AUTS2: variants seen among roughly 807,000 people sequenced by gnomAD.
AUTS2 encodes the protein autism susceptibility gene 2 protein.
AUTS2 carries 17 observed loss-of-function variants against 112.4 expected under a neutral mutation model. The ratio of observed to expected loss-of-function variants is 0.15; its 90% CI spans 0.10 to 0.23. AUTS2 has a LOEUF of 0.23. AUTS2 is among the 10% of genes least tolerant of loss of function. AUTS2 has a pLI of 1.00. For synonymous variants in AUTS2, 751 were observed against 702.7 expected (o/e 1.07, Z -1.09); for missense variants, 1,510 against 1,701.6 (o/e 0.89, Z 1.98).
intron 6 of AUTS2, among the ~76,000 whole-genome samples, chr7:70,705,521 C>G (rs1809690700): frequency 6.6e-6 from 1 of 152,176 alleles, no homozygotes; most frequent in South Asian, 2.1e-4. Context: ...CCAGTCTGTG[C>G]TTTTAAAAAG....
chr7:70,655,163 G>A (rs1408288625), intron 5 of AUTS2, among the ~76,000 whole-genome samples: 1 of 152,212 alleles, frequency 6.6e-6, no homozygotes, highest in African/African-American at 2.4e-5. Flanking sequence ...GGCAGTGCCT[G>A]GAAGCAGCGG....
At chr7:70,520,104 T>C (rs1427601714) in intron 5 of AUTS2, among the ~76,000 whole-genome samples, 1 of 152,214 alleles carries the variant, frequency 6.6e-6, no homozygotes, top group African/African-American at 2.4e-5. Flanking sequence ...GAAAGTTTTC[T>C]ATTTCAATGA....
chr7:70,275,489 A>G (rs1034269209), intron 4 of AUTS2, among the ~76,000 whole-genome samples: 1 of 152,144 alleles, frequency 6.6e-6, no homozygotes, highest in Non-Finnish European at 1.5e-5. Flanking sequence ...ATGATTAATA[A>G]TGTGAATACT....
At chr7:69,603,930 G>GT (rs1056344038) in intron 1 of AUTS2, among the ~76,000 whole-genome samples, 55 of 152,222 alleles carry the variant, frequency 3.6e-4, no homozygotes, top group African/African-American at 1.3e-3. Context: ...AGGAAGCCAC[G>GT]TGAGTACCAT....
chr7:70,062,860 G>C (rs1212950203), intron 2 of AUTS2, among the ~76,000 whole-genome samples: 2 of 152,126 alleles, frequency 1.3e-5, no homozygotes, highest in East Asian at 3.9e-4. Context: ...CTTCCTTTTT[G>C]ATTCTTCCTT....
At chr7:69,799,535 ACTT>A (rs1267442220) in intron 1 of AUTS2, among the ~76,000 whole-genome samples, 8 of 152,106 alleles carry the variant, frequency 5.3e-5, no homozygotes, top group African/African-American at 1.9e-4. Context: ...TGAGCATGGG[ACTT>A]CTTACACTGA....
chr7:70,411,085 G>A (rs1490826464), intron 4 of AUTS2, among the ~76,000 whole-genome samples: 5 of 151,934 alleles, frequency 3.3e-5, no homozygotes, highest in African/African-American at 9.7e-5. Context: ...GGCTGGTCTC[G>A]AACTCCTGAC....
intron 5 of AUTS2, among the ~76,000 whole-genome samples, chr7:70,479,253 TA>T (rs1797698544): frequency 1.3e-5 from 2 of 152,172 alleles, no homozygotes; most frequent in Non-Finnish European, 2.9e-5. Flanking sequence ...TATAAAGCCA[TA>T]AAATGTTCCT....
chr7:70,038,829 G>A (rs1801122548), intron 2 of AUTS2, among the ~76,000 whole-genome samples: 1 of 152,088 alleles, frequency 6.6e-6, no homozygotes, highest in Non-Finnish European at 1.5e-5. Context: ...TGCGATCTCA[G>A]CTCACGGTAA....
intron 4 of AUTS2, among the ~76,000 whole-genome samples, chr7:70,401,355 A>G (rs550718633): frequency 5.2e-4 from 79 of 152,126 alleles, no homozygotes; most frequent in African/African-American, 1.5e-3. Context: ...TGAGGGGGAA[A>G]CTTTTCCAGG....
intron 1 of AUTS2, among the ~76,000 whole-genome samples, chr7:69,772,767 A>G (rs1218718940): frequency 6.6e-6 from 1 of 152,210 alleles, no homozygotes. Flanking sequence ...AATAACTTTG[A>G]AAGTATAGAC....
chr7:69,718,590 A>T (rs1798747095), intron 1 of AUTS2, among the ~76,000 whole-genome samples: 1 of 152,160 alleles, frequency 6.6e-6, no homozygotes, highest in Non-Finnish European at 1.5e-5. Flanking sequence ...CCTTGATTAC[A>T]TTGGGCCCAC....
At chr7:69,789,300 A>G (rs534568470) in intron 1 of AUTS2, among the ~76,000 whole-genome samples, 1 of 152,242 alleles carries the variant, frequency 6.6e-6, no homozygotes, top group South Asian at 2.1e-4. Context: ...ATCCAGACCA[A>G]TTCAGTCAGA....
chr7:70,340,163 A>ACACACACACAC (rs1791191977), intron 4 of AUTS2, among the ~76,000 whole-genome samples: 1 of 144,682 alleles, frequency 6.9e-6, no homozygotes, highest in Non-Finnish European at 1.5e-5. Flanking sequence ...TATGGAGAGA[A>ACACACACACAC]ACACACACAC....
intron 1 of AUTS2, among the ~76,000 whole-genome samples, chr7:69,720,170 G>C (rs1798847309): frequency 6.6e-6 from 1 of 152,184 alleles, no homozygotes; most frequent in Non-Finnish European, 1.5e-5. Flanking sequence ...ATTATGTCTG[G>C]AATCTCAGCC....
rs1799276768 is a variant in AUTS2 at position 70,513,297 on chromosome 7, C to CT, written c.690+77517dup. Among the ~76,000 whole-genome samples, 4 of 152,308 alleles carry CT rather than the reference C, an allele frequency of 2.6e-5. No homozygotes were observed. The South Asian group carries it at 8.3e-4, about 32-fold the overall frequency. On this transcript the variant is annotated intron_variant, in intron 5 of 18. Coordinates refer to ENST00000342771, the MANE Select transcript of AUTS2 (RefSeq NM_015570.4). ...AGTAGTGGTGTATCAACCAAAGTGG[C>CT]TATTTCTGATCAGACCCACAGCCTC... is the stretch of plus-strand genomic sequence containing the variant.
intron 1 of AUTS2, among the ~76,000 whole-genome samples, chr7:69,789,542 G>A (rs1326156017): frequency 6.6e-6 from 1 of 152,134 alleles, no homozygotes; most frequent in Non-Finnish European, 1.5e-5. Context: ...GGGACCCAGG[G>A]CTACTGCACC....
intron 5 of AUTS2, among the ~76,000 whole-genome samples, chr7:70,668,894 G>A (rs1229135362): frequency 2.0e-5 from 3 of 152,214 alleles, no homozygotes; most frequent in Non-Finnish European, 2.9e-5. Context: ...GGGGAGGGTG[G>A]TGGTGGCTGG....
chr7:70,149,006 T>C (rs1562739731), intron 4 of AUTS2, among the ~76,000 whole-genome samples: 1 of 152,086 alleles, frequency 6.6e-6, no homozygotes, highest in Non-Finnish European at 1.5e-5. Flanking sequence ...TCACTTTCCA[T>C]GTTCTGTTCT....
Sources: gnomAD v4.1 joint callset for allele counts (sites outside exome capture counted in the v4.1 genomes callset) on GRCh38, gnomAD v4.1.1 for gene constraint, MANE v1.5 for transcripts, NCBI Gene and HGNC (gene_info 2026-07-23, HGNC 2026-07-21) for gene names.